Variants in AKAP19 observed in about 807,000 individuals in gnomAD.
The protein encoded by AKAP19 is A-kinase anchoring protein 19.
the AKAP19 span, among the ~76,000 whole-genome samples, chr2:189,979,192 C>G: frequency 1.3e-5 from 2 of 152,054 alleles, no homozygotes; most frequent in African/African-American, 4.8e-5. Context: ...TACTACAAGG[C>G]TATAGTAACC....
the AKAP19 span, among the ~76,000 whole-genome samples, chr2:189,937,170 A>G: frequency 6.6e-6 from 1 of 152,114 alleles, no homozygotes; most frequent in African/African-American, 2.4e-5. Context: ...AATACAAACT[A>G]AAAAACAATA....
the AKAP19 span, chr2:189,931,140 C>T: frequency 4.3e-5 from 14 of 327,696 alleles, no homozygotes; most frequent in African/African-American, 1.3e-4. Context: ...CTTTCCTCCA[C>T]TAGTTTTAGC....
chr2:189,998,071 C>T, the AKAP19 span, among the ~76,000 whole-genome samples: 1 of 152,300 alleles, frequency 6.6e-6, no homozygotes, highest in East Asian at 1.9e-4. Context: ...TGGATTTTTC[C>T]AGTTCCCCAG....
the AKAP19 span, among the ~76,000 whole-genome samples, chr2:190,060,641 T>C: frequency 6.6e-6 from 1 of 152,198 alleles, no homozygotes; most frequent in South Asian, 2.1e-4. Flanking sequence ...CAGACGTATG[T>C]ATTTTCAGCT....
At chr2:189,968,532 G>A in the AKAP19 span, among the ~76,000 whole-genome samples, 2 of 152,158 alleles carry the variant, frequency 1.3e-5, no homozygotes, top group African/African-American at 2.4e-5. Flanking sequence ...GAGCCAGTGC[G>A]CCTGGGCTAA....
At chr2:190,048,033 G>A in the AKAP19 span, among the ~76,000 whole-genome samples, 21 of 152,026 alleles carry the variant, frequency 1.4e-4, no homozygotes, top group Admixed American at 6.6e-5. Context: ...GATGAATATG[G>A]GTAGGGTTGC....
At chr2:190,178,366 C>CCTGTTCACA in the AKAP19 span, among the ~76,000 whole-genome samples, 2 of 152,246 alleles carry the variant, frequency 1.3e-5, no homozygotes, top group Non-Finnish European at 2.9e-5. The surrounding 1 kb of genome is among the most constrained non-coding windows in gnomAD (Gnocchi z 6.3). Context: ...CCTGCAAGTA[C>CCTGTTCACA]CTGTTCACAC....
At chr2:190,038,897 TTTCTTTCTTCTTCTTCTTC>T in the AKAP19 span, among the ~76,000 whole-genome samples, 443 of 62,262 alleles carry the variant, frequency 7.1e-3, no homozygotes, top group East Asian at 0.011. Flanking sequence ...TCTTTCTTTC[TTTCTTTCTTCTTCTTCTTC>T]TTCTTCTTCT....
At chr2:189,956,220 A>T in the AKAP19 span, among the ~76,000 whole-genome samples, 1 of 124,170 alleles carries the variant, frequency 8.1e-6, no homozygotes, top group Non-Finnish European at 1.6e-5. Context: ...CCCAGGCTGG[A>T]GTGCAGTGGC....
the AKAP19 span, among the ~76,000 whole-genome samples, chr2:189,948,479 T>C: frequency 4.6e-5 from 7 of 152,254 alleles, no homozygotes; most frequent in African/African-American, 1.4e-4. Flanking sequence ...AAAATAAAAA[T>C]TACCCACAGT....
the AKAP19 span, among the ~76,000 whole-genome samples, chr2:190,120,537 G>C: frequency 6.6e-6 from 1 of 152,240 alleles, no homozygotes; most frequent in Non-Finnish European, 1.5e-5. Context: ...TCTATATTGT[G>C]TTACATGACA....
chr2:190,104,843 C>A, the AKAP19 span, among the ~76,000 whole-genome samples: 14 of 152,052 alleles, frequency 9.2e-5, no homozygotes, highest in Non-Finnish European at 1.6e-4. Flanking sequence ...TGAACAGACA[C>A]GTCTCAAAAG....
chr2:190,018,776 T>C, the AKAP19 span, among the ~76,000 whole-genome samples: 1 of 152,222 alleles, frequency 6.6e-6, no homozygotes. Flanking sequence ...CTTTTACAGA[T>C]GTTATTAAGC....
chr2:190,199,718 T>C, the AKAP19 span: 1 of 1,470,734 alleles, frequency 6.8e-7, no homozygotes, highest in Non-Finnish European at 9.0e-7. Context: ...ACGTGAAGAG[T>C]GGTGAAAGGG....
the AKAP19 span, among the ~76,000 whole-genome samples, chr2:189,948,124 G>A: frequency 6.6e-6 from 1 of 152,094 alleles, no homozygotes; most frequent in African/African-American, 2.4e-5. Flanking sequence ...TATTAATGTT[G>A]ACTTAATTTC....
chr2:189,905,167 A>G, the AKAP19 span, among the ~76,000 whole-genome samples: 4 of 151,874 alleles, frequency 2.6e-5, no homozygotes, highest in East Asian at 1.9e-4. Flanking sequence ...TTCATAATTT[A>G]TTTTTTCTAA....
the AKAP19 span, among the ~76,000 whole-genome samples, chr2:190,166,256 A>C: frequency 6.6e-6 from 1 of 151,200 alleles, no homozygotes; most frequent in African/African-American, 2.4e-5. Context: ...AAGATTTCCA[A>C]AATTGACCCA....
the AKAP19 span, among the ~76,000 whole-genome samples, chr2:189,926,681 C>T: frequency 2.0e-5 from 3 of 146,950 alleles, no homozygotes; most frequent in African/African-American, 7.7e-5. Flanking sequence ...CCCAGGTTCA[C>T]GCCATTCTCC....
the AKAP19 span, among the ~76,000 whole-genome samples, chr2:190,053,703 G>T: frequency 6.6e-6 from 1 of 151,964 alleles, no homozygotes; most frequent in Non-Finnish European, 1.5e-5. Context: ...GGTAGTACTC[G>T]TATGTTTTAT....
Sources: gnomAD v4.1 joint callset for allele counts (sites outside exome capture counted in the v4.1 genomes callset) on GRCh38, gnomAD v4.1.1 for gene constraint, Gnocchi (gnomAD v3.1) non-coding constraint, MANE v1.5 for transcripts, NCBI Gene and HGNC (gene_info 2026-07-23, HGNC 2026-07-21) for gene names.